VPS41: variants seen among roughly 807,000 people sequenced by gnomAD.
VPS41 encodes vacuolar protein sorting-associated protein 41 homolog.
A neutral mutation model predicts 130.9 loss-of-function variants in VPS41; 85 were observed. The ratio of observed to expected loss-of-function variants is 0.65; its 90% CI spans 0.55 to 0.78. VPS41 has a LOEUF of 0.78. Among genes scored for constraint, VPS41 ranks in the 30% least tolerant of loss-of-function variants. The pLI is 0.00. For synonymous variants in VPS41, 335 were observed against 332.9 expected, an observed-to-expected ratio of 1.01 and a Z score of -0.07; for missense variants, 874 against 1,018.7, an observed-to-expected ratio of 0.86 and a Z score of 1.93.
At chr7:38,787,449 A>G (rs962419416) in intron 10 of VPS41, among the ~76,000 whole-genome samples, 6 of 152,214 alleles carry the variant, frequency 3.9e-5, no homozygotes, top group Non-Finnish European at 8.8e-5. Context: ...GAAAGAAAAT[A>G]TGATGTCCCA....
intron 7 of VPS41, 93 bp downstream of exon 7, chr7:38,817,724 T>TA (rs1228836332): frequency 5.8e-6 from 6 of 1,036,010 alleles, no homozygotes; most frequent in Non-Finnish European, 9.2e-6. Context: ...TCCTAATGAA[T>TA]AGCCAGACAT....
intron 13 of VPS41, 78 bp downstream of exon 13, chr7:38,772,444 T>G (rs1487521125): frequency 8.8e-6 from 9 of 1,017,894 alleles, no homozygotes. Context: ...CATAAAAGAT[T>G]TATTACAAAA....
At chr7:38,898,725 T>C (rs1409007892) in intron 1 of VPS41, among the ~76,000 whole-genome samples, 2 of 152,258 alleles carry the variant, frequency 1.3e-5, no homozygotes, top group African/African-American at 2.4e-5. Context: ...TGAATCTTGC[T>C]GCTCTGAAGG....
chr7:38,794,771 C>T (rs915341818), intron 9 of VPS41, among the ~76,000 whole-genome samples: 8 of 152,150 alleles, frequency 5.3e-5, no homozygotes, highest in African/African-American at 1.9e-4. Context: ...TATACTTCCA[C>T]TAATTTTTAG....
chr7:38,746,036 T>C (rs897839419), intron 22 of VPS41: 2 of 167,236 alleles, frequency 1.2e-5, no homozygotes, highest in African/African-American at 4.8e-5. Context: ...CTTTTCCTAG[T>C]ATTGTGCATA....
intron 2 of VPS41, among the ~76,000 whole-genome samples, chr7:38,879,187 G>A (rs560156074): frequency 2.0e-5 from 3 of 152,282 alleles, no homozygotes; most frequent in African/African-American, 7.2e-5. Flanking sequence ...CCACAGTGGG[G>A]AGCCAGGGGC....
At chr7:38,872,001 G>A (rs779030419) in intron 2 of VPS41, among the ~76,000 whole-genome samples, 14 of 152,150 alleles carry the variant, frequency 9.2e-5, no homozygotes, top group Admixed American at 2.6e-4. Flanking sequence ...ATATGTATTC[G>A]TTTACAGTTT....
intron 17 of VPS41, among the ~76,000 whole-genome samples, chr7:38,761,322 C>T (rs1362976907): frequency 1.0e-4 from 13 of 125,630 alleles, no homozygotes; most frequent in Non-Finnish European, 1.6e-4. Flanking sequence ...GTCGCCCAGG[C>T]TGGAGTTCAG....
intron 4 of VPS41, among the ~76,000 whole-genome samples, chr7:38,848,019 A>C (rs1200136297): frequency 2.0e-5 from 3 of 152,226 alleles, no homozygotes; most frequent in Non-Finnish European, 4.4e-5. Flanking sequence ...AAGACTACTT[A>C]ACACTTCACA....
chr7:38,735,397 G>A (rs1795742932), intron 25 of VPS41, among the ~76,000 whole-genome samples: 1 of 152,196 alleles, frequency 6.6e-6, no homozygotes, highest in African/African-American at 2.4e-5. Flanking sequence ...TATGGGGACT[G>A]CAGCAAATGC....
chr7:38,894,379 A>G (rs1287506608), intron 2 of VPS41, among the ~76,000 whole-genome samples: 1 of 151,650 alleles, frequency 6.6e-6, no homozygotes, highest in African/African-American at 2.4e-5. Flanking sequence ...CCATAAACTC[A>G]GTAGAATCAG....
chr7:38,796,509 T>G (rs559308206), intron 8 of VPS41: 7 of 629,690 alleles, frequency 1.1e-5, no homozygotes, highest in African/African-American at 9.0e-5. Context: ...CTACTCTCCA[T>G]GCCTCAGGTT....
chr7:38,748,390 C>G (rs1796029342), intron 22 of VPS41, among the ~76,000 whole-genome samples: 1 of 151,826 alleles, frequency 6.6e-6, no homozygotes, highest in South Asian at 2.1e-4. Flanking sequence ...TAATAAGAAC[C>G]TTATCAAATG....
At chr7:38,758,539 T>C (rs993471168) in intron 17 of VPS41, 58 bp from the exon 18 acceptor site, 11 of 1,516,776 alleles carry the variant, frequency 7.3e-6, no homozygotes, top group African/African-American at 2.8e-5. Context: ...ATAGTTGTGA[T>C]ATTGTGAAAT....
chr7:38,747,034 T>C (rs954874335), intron 22 of VPS41, among the ~76,000 whole-genome samples: 4 of 152,216 alleles, frequency 2.6e-5, no homozygotes. Context: ...ACAATTATTT[T>C]GGGATTTTTA....
At chr7:38,738,548 C>G (rs1289258496) in intron 25 of VPS41, among the ~76,000 whole-genome samples, 1 of 152,164 alleles carries the variant, frequency 6.6e-6, no homozygotes, top group East Asian at 1.9e-4. Context: ...TCAACAACTA[C>G]ATGCTAAATT....
intron 4 of VPS41, among the ~76,000 whole-genome samples, chr7:38,838,904 C>A (rs1354683381): frequency 6.6e-6 from 1 of 152,182 alleles, no homozygotes; most frequent in Non-Finnish European, 1.5e-5. Flanking sequence ...CCCTGATACT[C>A]CTCATCATCC....
At chr7:38,818,289 C>T (rs1785101784) in intron 6 of VPS41, among the ~76,000 whole-genome samples, 1 of 151,880 alleles carries the variant, frequency 6.6e-6, no homozygotes, top group Non-Finnish European at 1.5e-5. Context: ...AACTCCTTGT[C>T]CAAGATGACT....
At chr7:38,858,292 TGATGC>T (rs1233611558) in intron 4 of VPS41, among the ~76,000 whole-genome samples, 1 of 152,252 alleles carries the variant, frequency 6.6e-6, no homozygotes. Context: ...ATCTGTCATG[TGATGC>T]TATATTAGAG....
Sources: gnomAD v4.1 joint callset for allele counts (sites outside exome capture counted in the v4.1 genomes callset) on GRCh38, gnomAD v4.1.1 for gene constraint, MANE v1.5 for transcripts, NCBI Gene and HGNC (gene_info 2026-07-23, HGNC 2026-07-21) for gene names.